PRCD: variants seen among roughly 807,000 people sequenced by gnomAD.
The protein encoded by PRCD is photoreceptor disk component PRCD.
A neutral mutation model predicts 10.1 loss-of-function variants in PRCD; 12 were observed. That is an observed-to-expected ratio of 1.18 (90% CI 0.76 to 1.92). The LOEUF is 1.92. PRCD is among the 40% of genes most tolerant of loss of function. The pLI is 0.00. For synonymous variants in PRCD, 31 were observed against 26.2 expected, an observed-to-expected ratio of 1.18 and a Z score of -0.56; for missense variants, 61 against 72.2, an observed-to-expected ratio of 0.84 and a Z score of 0.56.
rs577810284 is a variant in PRCD, at chr17:76,540,250, T to G, written c.74+35T>G. On this transcript the variant is annotated intron_variant, in intron 1 of 4. Coordinates refer to ENST00000592014, the MANE Select transcript of PRCD (RefSeq NM_001077620.3). This position sits in a 1 kb window ranked among gnomAD's most constrained non-coding sequence, Gnocchi z 5.0. ...TGACCGGGCTATGGCTGGCGGTTGG[T>G]CGGGGGGGGGGGGCATGGGGCTGGG... The G allele has an allele frequency of 9.4e-4, 438 of 466,778 alleles. No homozygotes were observed. The highest frequency in any genetic ancestry group is 1.9e-3 in the South Asian group (85 of 45,554). The allele number at this position is 466,778 out of a possible 1,614,324, so 28.9% of individuals were successfully genotyped here.
chr17:76,548,734 T>C (rs1018405466), downstream of PRCD, among the ~76,000 whole-genome samples: 14 of 152,226 alleles, frequency 9.2e-5, no homozygotes. Context: ...GCAACTGTAA[T>C]GAACTGTGTC....
rs753756272 is a variant in PRCD, at chr17:76,531,448, G to A, written n.45+3615G>A. ...GGGCGGTGGGGGCTCTGCAGCAGAT[G>A]GGGGCGCATACCTTGAAGTACACCG... On this transcript the variant is annotated intron_variant and non_coding_transcript_variant, in intron 1 of 4. Coordinates refer to the PRCD transcript ENST00000397633. The surrounding 1 kb of genome is among the most constrained non-coding windows in gnomAD (Gnocchi z 7.4). The A allele has an allele frequency of 6.3e-7, 1 of 1,597,072 alleles. No individual in the cohort carries two copies. The highest frequency in any genetic ancestry group is 1.7e-4 in the Middle Eastern group (1 of 6,016).
At chr17:76,529,535 T>C in intron 1 of PRCD, 1 of 985,418 alleles carries the variant, frequency 1.0e-6, no homozygotes, top group Non-Finnish European at 1.2e-6. Context: ...CAGCTCTCTT[T>C]CCAGTCTCTC....
chr17:76,538,613 G>A (rs1567910034), upstream of PRCD: 2 of 409,966 alleles, frequency 4.9e-6, no homozygotes, highest in East Asian at 9.8e-5. Flanking sequence ...AAGTCTTGAG[G>A]AAGGCGCAGG....
At chr17:76,551,406 A>G (rs749157812) in intron 1 of PRCD, 8 of 152,216 alleles carry the variant, frequency 5.3e-5, no homozygotes, top group Non-Finnish European at 1.0e-4. Flanking sequence ...TGGCTCTGCC[A>G]AGCAGGGAAG....
chr17:76,551,281 A>C (rs1178363948), intron 1 of PRCD: 1 of 152,278 alleles, frequency 6.6e-6, no homozygotes, highest in East Asian at 1.9e-4. Flanking sequence ...GTTTCTGGGC[A>C]TGGAGAGACA....
chr17:76,543,522 G>GA (rs2075016665), intron 4 of PRCD: 2 of 348,766 alleles, frequency 5.7e-6, no homozygotes, highest in Admixed American at 7.6e-5. Flanking sequence ...TCTAAATGGG[G>GA]AAACACAGAG....
Position 76,543,061 on chromosome 17 carries a change from G to A in PRCD, c.*92G>A. ...CCTGGTTCGTCCCCTAGCCCAGGAG[G>A]ATGCTGTGGGAGCTGCAGCAGCGGC... On this transcript the variant is annotated 3_prime_UTR_variant, in exon 4 of 5. Transcript: ENST00000592014. 1 of 472,114 alleles carries A rather than the reference G, an allele frequency of 2.1e-6. No individual in the cohort carries two copies. The highest frequency in any genetic ancestry group is 4.4e-6 in the Non-Finnish European group (1 of 227,748). 29.2% of individuals were successfully genotyped at this position (472,114 alleles called of 1,614,324 possible).
At chr17:76,552,568 G>A (rs985636856) in intron 1 of PRCD, among the ~76,000 whole-genome samples, 1 of 151,826 alleles carries the variant, frequency 6.6e-6, no homozygotes, top group Non-Finnish European at 1.5e-5. Context: ...CTGCATTTTA[G>A]AATATGAAAA....
At chr17:76,527,908 A>T in intron 1 of PRCD, 1 of 424,620 alleles carries the variant, frequency 2.4e-6, no homozygotes, top group East Asian at 7.2e-5. Context: ...GAATGTGGGG[A>T]GCTGGTCTGA....
At position 76,540,680 on chromosome 17, in the gene PRCD, G is replaced by C; in HGVS notation, c.143+107G>C. The C allele has an allele frequency of 8.9e-7, 1 of 1,120,748 alleles. No homozygotes were observed. The highest frequency in any genetic ancestry group is 1.3e-6 in the Non-Finnish European group (1 of 750,852). 69.4% of individuals were successfully genotyped at this position (1,120,748 alleles called of 1,614,324 possible). A position where few individuals can be genotyped will look rare whatever the true frequency, so the allele number is the denominator to read the frequency against. ...GCCTGTGCGCGCCTGTGCGTGCACC[G>C]TATCCTGGCCCTTGCCCTAAGCACC... On this transcript the variant is annotated intron_variant, in intron 2 of 4. Transcript: ENST00000592014. The surrounding 1 kb of genome is among the most constrained non-coding windows in gnomAD (Gnocchi z 5.0).
intron 1 of PRCD, chr17:76,529,165 A>G: frequency 1.0e-6 from 1 of 982,712 alleles, no homozygotes; most frequent in South Asian, 4.7e-5. Flanking sequence ...AGGGCCTTCT[A>G]GGACTCTACT....
intron 3 of PRCD, 80 bp downstream of exon 3, chr17:76,542,713 G>A (rs1466805813): frequency 2.3e-6 from 2 of 877,560 alleles, no homozygotes; most frequent in Admixed American, 3.8e-5. Context: ...TCCCGGCCAT[G>A]TGGGAGGATA....
At position 76,530,992 on chromosome 17, in the gene PRCD, G is replaced by A. The variant is rs746867050; in HGVS notation, n.45+3159G>A. 1.2e-6 allele frequency: 2 copies of A among 1,607,718 alleles called. No homozygotes were observed. Among genetic ancestry groups the A allele is most frequent in the Non-Finnish European group, 1.7e-6 (2 of 1,176,602 alleles). ...CCGCCTCCTCACGTGGTGGCGTTGG[G>A]GACCTGCTGCACCCAGCCCACTTCC... On this transcript the variant is annotated intron_variant and non_coding_transcript_variant, in intron 1 of 4. Coordinates refer to the PRCD transcript ENST00000397633. The surrounding 1 kb of genome is among the most constrained non-coding windows in gnomAD (Gnocchi z 6.1).
chr17:76,532,915 A>G (rs928086628), intron 1 of PRCD, among the ~76,000 whole-genome samples: 22 of 152,134 alleles, frequency 1.4e-4, no homozygotes, highest in African/African-American at 5.3e-4. Context: ...ATCAGAACTT[A>G]AATAACTTAA....
At chr17:76,534,906 G>C (rs1481312150) in intron 1 of PRCD, among the ~76,000 whole-genome samples, 1 of 152,200 alleles carries the variant, frequency 6.6e-6, no homozygotes, top group African/African-American at 2.4e-5. Flanking sequence ...CTGGCTCTGC[G>C]GTGTTTCCAC....
rs2074793163 is a variant in PRCD at position 76,528,530 on chromosome 17, G to A, written n.45+697G>A. 9 of 1,277,006 alleles carry A rather than the reference G, an allele frequency of 7.0e-6. No homozygotes were observed. In the Admixed American group the frequency reaches 1.2e-4, roughly 18 times the overall value. The allele number at this position is 1,277,006 out of a possible 1,614,324, so 79.1% of individuals were successfully genotyped here. A position where few individuals can be genotyped will look rare whatever the true frequency, so the allele number is the denominator to read the frequency against. Reference sequence around the variant, plus strand: ...GCGTCAAGGAGGGTCTTCAGAACTCGGCCTTCTGCTCGAGGTGCTGCCAGG... The same window carrying A: ...GCGTCAAGGAGGGTCTTCAGAACTCAGCCTTCTGCTCGAGGTGCTGCCAGG... On this transcript the variant is annotated intron_variant and non_coding_transcript_variant, in intron 1 of 4. Coordinates refer to the PRCD transcript ENST00000397633. This position sits in a 1 kb window ranked among gnomAD's most constrained non-coding sequence, Gnocchi z 5.8.
At position 76,531,552 on chromosome 17, in the gene PRCD, T is replaced by G. The variant is rs1229537284; in HGVS notation, n.45+3719T>G. On this transcript the variant is annotated intron_variant and non_coding_transcript_variant, in intron 1 of 4. Transcript: ENST00000397633. The surrounding 1 kb of genome is among the most constrained non-coding windows in gnomAD (Gnocchi z 7.4). ...GACACCTTGTCGGGGTCATGCAGGT[T>G]CTCCACGACAGTGTTGAGGGCCCCC... is the stretch of plus-strand genomic sequence containing the variant. The G allele has an allele frequency of 4.3e-6, 7 of 1,614,124 alleles. No homozygotes were observed. Among genetic ancestry groups the G allele is most frequent in the Non-Finnish European group, 5.9e-6 (7 of 1,179,972 alleles).
At chr17:76,527,741 CTAGCGG>C (rs1002451065), upstream of PRCD, 9 of 453,934 alleles carry the variant, frequency 2.0e-5, no homozygotes, top group Non-Finnish European at 4.0e-5. Flanking sequence ...GCAGGTGGAG[CTAGCGG>C]TCGAGGTTTC....
Sources: allele counts gnomAD v4.1 joint callset (sites outside exome capture counted in the v4.1 genomes callset), GRCh38; gene constraint gnomAD v4.1.1; non-coding constraint Gnocchi (gnomAD v3.1); transcripts MANE v1.5; gene names NCBI Gene and HGNC (gene_info 2026-07-23, HGNC 2026-07-21).